Variants in CDH12 observed in about 807,000 individuals in gnomAD.
CDH12 encodes cadherin-12.
CDH12 carries 41 observed loss-of-function variants against 74.1 expected under a neutral mutation model. That is an observed-to-expected ratio of 0.55 (90% confidence interval 0.43 to 0.72). The LOEUF (loss-of-function observed/expected upper bound fraction) is 0.72. Among genes scored for constraint, CDH12 ranks in the 30% least tolerant of loss-of-function variants. CDH12 has a pLI of 0.00. For synonymous variants in CDH12, 399 were observed against 355.0 expected (o/e 1.12, Z -1.39); for missense variants, 945 against 977.2 (o/e 0.97, Z 0.44).
rs568338883 is a variant in CDH12, at chr5:22,560,434, A to G, written c.-522-55070T>C. On this transcript the variant is annotated intron_variant, in intron 1 of 14. Coordinates refer to ENST00000382254, the MANE Select transcript of CDH12 (RefSeq NM_004061.5). ...GGGCTCTTGAAACCTATCCCTTCAG[A>G]TAAGAGGTGCTTACTGTATCTCAGT... Among the ~76,000 whole-genome samples, 3 of 152,214 alleles carry G rather than the reference A, an allele frequency of 2.0e-5. No homozygotes were observed. The South Asian group carries it at 6.2e-4, about 32-fold the overall frequency.
intron 1 of CDH12, among the ~76,000 whole-genome samples, chr5:22,509,919 G>C (rs574975284): frequency 1.3e-5 from 2 of 152,072 alleles, no homozygotes; most frequent in Admixed American, 6.6e-5. Flanking sequence ...TATAGCACTG[G>C]AGAATCAGTA....
At chr5:21,928,068 C>G in intron 6 of CDH12, among the ~76,000 whole-genome samples, 1 of 150,604 alleles carries the variant, frequency 6.6e-6, no homozygotes, top group African/African-American at 2.4e-5. Context: ...CGAGACTCTT[C>G]CTAAAAAAAA....
intron 12 of CDH12, among the ~76,000 whole-genome samples, chr5:21,763,867 A>G (rs534010655): frequency 6.6e-6 from 1 of 152,310 alleles, no homozygotes; most frequent in Admixed American, 6.5e-5. Context: ...ACAGAATAAT[A>G]TTAACTTCAT....
At chr5:22,742,036 C>T (rs1745051966) in intron 1 of CDH12, among the ~76,000 whole-genome samples, 1 of 152,010 alleles carries the variant, frequency 6.6e-6, no homozygotes, top group South Asian at 2.1e-4. Context: ...CAAAAGGTAG[C>T]TGGGCATGAT....
At chr5:22,457,851 TCTC>T (rs1267958810) in intron 2 of CDH12, among the ~76,000 whole-genome samples, 1 of 152,150 alleles carries the variant, frequency 6.6e-6, no homozygotes, top group East Asian at 1.9e-4. Flanking sequence ...TTCAAGCAAT[TCTC>T]CTGCCTCAGT....
At chr5:22,578,370 A>C (rs780012834) in intron 1 of CDH12, among the ~76,000 whole-genome samples, 7 of 121,910 alleles carry the variant, frequency 5.7e-5, no homozygotes, top group Non-Finnish European at 1.2e-4. Flanking sequence ...AATATTTTAA[A>C]CCAAGTTTGT....
chr5:21,850,863 T>A (rs924867101), intron 7 of CDH12, among the ~76,000 whole-genome samples: 3 of 151,368 alleles, frequency 2.0e-5, no homozygotes, highest in African/African-American at 7.3e-5. Context: ...TATAAATACA[T>A]GTAGAAACAT....
chr5:22,587,847 GAT>G (rs371114068), intron 1 of CDH12, among the ~76,000 whole-genome samples: 284 of 145,118 alleles, frequency 2.0e-3, no homozygotes, highest in Middle Eastern at 0.016. Context: ...TTTTGGTGGA[GAT>G]ATATATATAT....
chr5:22,114,874 A>G (rs1745001756), intron 4 of CDH12, among the ~76,000 whole-genome samples: 1 of 152,228 alleles, frequency 6.6e-6, no homozygotes, highest in East Asian at 1.9e-4. Flanking sequence ...ACTTTGAAGA[A>G]TAAGAAATAA....
chr5:22,150,753 T>C (rs745907832), intron 4 of CDH12, among the ~76,000 whole-genome samples: 1 of 152,142 alleles, frequency 6.6e-6, no homozygotes, highest in Non-Finnish European at 1.5e-5. Context: ...GACCTGTGCT[T>C]AGATATTCTA....
At chr5:22,751,222 A>G (rs1041418622) in intron 1 of CDH12, among the ~76,000 whole-genome samples, 13 of 151,340 alleles carry the variant, frequency 8.6e-5, no homozygotes, top group Admixed American at 6.6e-5. Flanking sequence ...TAATTTATTT[A>G]AGATGGGACT....
intron 1 of CDH12, among the ~76,000 whole-genome samples, chr5:22,698,192 G>A (rs1462835139): frequency 8.0e-6 from 1 of 124,784 alleles, no homozygotes; most frequent in Non-Finnish European, 1.6e-5. Context: ...CACAATCTCA[G>A]CTCACTGCAA....
intron 11 of CDH12, among the ~76,000 whole-genome samples, chr5:21,779,681 A>G (rs1282816263): frequency 1.3e-5 from 2 of 152,180 alleles, no homozygotes; most frequent in South Asian, 2.1e-4. Flanking sequence ...GCCAAAACAT[A>G]TGCTAGTTCA....
chr5:22,261,440 G>A (rs894207425), intron 3 of CDH12, among the ~76,000 whole-genome samples: 8 of 151,800 alleles, frequency 5.3e-5, no homozygotes, highest in Non-Finnish European at 1.0e-4. Flanking sequence ...CTTAACAAAA[G>A]CATGACCAGA....
chr5:22,474,179 A>G lies in CDH12; in HGVS notation c.-428+31091T>C, dbSNP rs926413510. 5.3e-5 allele frequency among the ~76,000 whole-genome samples: 8 copies of G among 152,188 alleles called. No homozygotes were observed. The East Asian group carries it at 1.5e-3, about 29-fold the overall frequency. On this transcript the variant is annotated intron_variant, in intron 2 of 14. Coordinates refer to ENST00000382254, the MANE Select transcript of CDH12 (RefSeq NM_004061.5). ...TTTCCTGAAAAACAGAGAAGGATGT[A>G]ATAATGCTGATGACTTCGTCAGAGA...
chr5:22,616,923 G>T (rs1409418880), intron 1 of CDH12, among the ~76,000 whole-genome samples: 2 of 151,884 alleles, frequency 1.3e-5, no homozygotes, highest in Non-Finnish European at 2.9e-5. Context: ...GAAGTGTAGT[G>T]GTGTGATCAC....
chr5:22,124,500 T>C (rs1745728180), intron 4 of CDH12, among the ~76,000 whole-genome samples: 1 of 152,188 alleles, frequency 6.6e-6, no homozygotes, highest in East Asian at 1.9e-4. Flanking sequence ...CTGTTTGTTG[T>C]TGTTGTTTTA....
At chr5:22,166,486 C>T (rs1481833144) in intron 4 of CDH12, among the ~76,000 whole-genome samples, 1 of 152,110 alleles carries the variant, frequency 6.6e-6, no homozygotes, top group African/African-American at 2.4e-5. Context: ...AATATTTTCT[C>T]CTTCTAAATT....
chr5:22,579,335 T>G (rs1171030126), intron 1 of CDH12, among the ~76,000 whole-genome samples: 2 of 152,178 alleles, frequency 1.3e-5, no homozygotes, highest in African/African-American at 4.8e-5. Context: ...TTGATTTGAC[T>G]TGGAAAGAAA....
Sources: allele counts gnomAD v4.1 joint callset (sites outside exome capture counted in the v4.1 genomes callset), GRCh38; gene constraint gnomAD v4.1.1; transcripts MANE v1.5; gene names NCBI Gene and HGNC (gene_info 2026-07-23, HGNC 2026-07-21).